The following CHST11 variants were observed in gnomAD, a reference collection of about 807,000 sequenced individuals.
CHST11 encodes the protein carbohydrate sulfotransferase 11.
Under a neutral mutation model 30.4 loss-of-function variants are expected in CHST11, and 9 were observed. That is an observed-to-expected ratio of 0.30 (90% CI 0.18 to 0.52). The LOEUF (loss-of-function observed/expected upper bound fraction) is 0.52, where lower values mean the gene tolerates loss of function less well. CHST11 is among the 20% of genes least tolerant of loss of function. The probability of loss-of-function intolerance (pLI) is 0.97; values close to 1 mark genes in which losing one functional copy is unlikely to be tolerated. For synonymous variants in CHST11, 152 were observed against 187.8 expected, an observed-to-expected ratio of 0.81 and a Z score of 1.56; for missense variants, 348 against 460.6, an observed-to-expected ratio of 0.76 and a Z score of 2.24.
intron 1 of CHST11, among the ~76,000 whole-genome samples, chr12:104,583,055 G>A (rs1002991928): frequency 2.6e-5 from 4 of 151,988 alleles, no homozygotes; most frequent in Admixed American, 6.6e-5. Flanking sequence ...GGCCAACTTG[G>A]AGGGAATTTT....
intron 2 of CHST11, among the ~76,000 whole-genome samples, chr12:104,603,798 T>C (rs577322723): frequency 6.6e-6 from 1 of 152,298 alleles, no homozygotes; most frequent in Admixed American, 6.5e-5. Flanking sequence ...CTATGGGGTG[T>C]TTACTTAACC....
intron 2 of CHST11, among the ~76,000 whole-genome samples, chr12:104,675,809 G>T (rs1432141799): frequency 2.0e-5 from 3 of 152,194 alleles, no homozygotes; most frequent in Non-Finnish European, 4.4e-5. Flanking sequence ...ATGCTGTCAG[G>T]CTGTAAGCAC....
chr12:104,657,422 G>A (rs1566025687), intron 2 of CHST11, among the ~76,000 whole-genome samples: 1 of 152,076 alleles, frequency 6.6e-6, no homozygotes, highest in Non-Finnish European at 1.5e-5. Flanking sequence ...TTCATGGAGA[G>A]AAGTATAAGT....
chr12:104,756,892 A>T, intron 2 of CHST11, 57 bp from the exon 3 acceptor site: 1 of 1,553,846 alleles, frequency 6.4e-7, no homozygotes, highest in Non-Finnish European at 8.7e-7. Context: ...CTTGTAGCCA[A>T]GTGGAAATGT....
chr12:104,720,033 A>G (rs916941569), intron 2 of CHST11, among the ~76,000 whole-genome samples: 3 of 152,220 alleles, frequency 2.0e-5, no homozygotes, highest in African/African-American at 7.2e-5. Context: ...TTCCGCCTTT[A>G]GATCCAAAGC....
chr12:104,582,291 A>G lies in CHST11; in HGVS notation c.119-19615A>G, dbSNP rs531067719. 2.6e-5 allele frequency among the ~76,000 whole-genome samples: 4 copies of G among 152,268 alleles called. No individual in the cohort carries two copies. The East Asian group carries it at 5.8e-4, about 22-fold the overall frequency. ...CACTCTGCTGGCCAGTGGAGGGGCC[A>G]GGATTTGAGGCAGGAATTCTAACAC... On this transcript the variant is annotated intron_variant, in intron 1 of 2. Transcript: ENST00000303694.
At chr12:104,541,128 T>A (rs201995903) in intron 1 of CHST11, among the ~76,000 whole-genome samples, 42,734 of 140,382 alleles carry the variant, frequency 0.3, 6,131 homozygotes, top group East Asian at 0.43. Context: ...TCTCTCTCTC[T>A]CTCACACACA....
intron 2 of CHST11, among the ~76,000 whole-genome samples, chr12:104,667,085 G>A (rs764931846): frequency 1.3e-5 from 2 of 152,156 alleles, no homozygotes; most frequent in Non-Finnish European, 2.9e-5. Flanking sequence ...TATGTTAAAT[G>A]ATACGAAGTT....
rs2037681624 is a variant in CHST11, at chr12:104,486,624, C to T, written c.118+29095C>T. Among the ~76,000 whole-genome samples, 4 of 152,246 alleles carry T rather than the reference C, an allele frequency of 2.6e-5. 1 individual carries two copies. Among genetic ancestry groups the T allele is most frequent in the African/African-American group, 9.6e-5 (4 of 41,530 alleles). ...GGGTGTGTTTCTGGAACTTTCCAGT[C>T]AGGCTTCACCATGGTGAGTATTTAA... On this transcript the variant is annotated intron_variant, in intron 1 of 2. Coordinates refer to ENST00000303694, the MANE Select transcript of CHST11 (RefSeq NM_018413.6).
intron 1 of CHST11, among the ~76,000 whole-genome samples, chr12:104,487,820 G>T (rs754690426): frequency 6.6e-6 from 1 of 151,214 alleles, no homozygotes; most frequent in Non-Finnish European, 1.5e-5. Flanking sequence ...GTCTCCTTGC[G>T]TGGTTAAAAT....
intron 2 of CHST11, among the ~76,000 whole-genome samples, chr12:104,615,292 C>T (rs1229116720): frequency 1.3e-5 from 2 of 152,104 alleles, no homozygotes; most frequent in Admixed American, 1.3e-4. Flanking sequence ...TTGGAGAAAT[C>T]GCTCTGGCCA....
chr12:104,475,898 C>T (rs1259146130), intron 1 of CHST11, among the ~76,000 whole-genome samples: 2 of 132,724 alleles, frequency 1.5e-5, no homozygotes, highest in Non-Finnish European at 3.2e-5. Context: ...AAGTAGGTCC[C>T]ATATATATAT....
chr12:104,591,395 C>T (rs986675999), intron 1 of CHST11, among the ~76,000 whole-genome samples: 8 of 151,738 alleles, frequency 5.3e-5, no homozygotes, highest in Non-Finnish European at 1.0e-4. Flanking sequence ...AAGGGGAAGG[C>T]GATGATGGCT....
chr12:104,464,397 C>T (rs575545731), intron 1 of CHST11, among the ~76,000 whole-genome samples: 53 of 152,200 alleles, frequency 3.5e-4, no homozygotes, highest in African/African-American at 1.2e-3. Flanking sequence ...CTTTGGGCAG[C>T]CGGTAGTGTA....
chr12:104,514,213 A>T (rs532697268), intron 1 of CHST11: 10 of 884,468 alleles, frequency 1.1e-5, no homozygotes, highest in East Asian at 9.6e-5. Context: ...GTCTCCGGGG[A>T]CATTGACACA....
At chr12:104,497,473 A>T (rs1437107577) in intron 1 of CHST11, among the ~76,000 whole-genome samples, 1 of 152,116 alleles carries the variant, frequency 6.6e-6, no homozygotes, top group Non-Finnish European at 1.5e-5. Flanking sequence ...GAGAACGTAA[A>T]ATTCTGTTGT....
chr12:104,520,261 G>C (rs990582334), intron 1 of CHST11, among the ~76,000 whole-genome samples: 4 of 152,152 alleles, frequency 2.6e-5, no homozygotes, highest in African/African-American at 7.2e-5. Flanking sequence ...CACCTGCTCT[G>C]CTCATCTCTC....
chr12:104,632,484 A>G (rs2039280153), intron 2 of CHST11, among the ~76,000 whole-genome samples: 2 of 152,180 alleles, frequency 1.3e-5, no homozygotes, highest in Admixed American at 6.5e-5. Flanking sequence ...GTCTCCTAAG[A>G]AGTTCCCACT....
intron 2 of CHST11, among the ~76,000 whole-genome samples, chr12:104,706,151 A>T (rs2040032242): frequency 6.6e-6 from 1 of 152,044 alleles, no homozygotes; most frequent in Admixed American, 6.5e-5. Flanking sequence ...TGGGAGGCCG[A>T]GGCGGGCAGA....
Sources: allele counts gnomAD v4.1 joint callset (sites outside exome capture counted in the v4.1 genomes callset), GRCh38; gene constraint gnomAD v4.1.1; transcripts MANE v1.5; gene names NCBI Gene and HGNC (gene_info 2026-07-23, HGNC 2026-07-21).